DPP6: variants seen among roughly 807,000 people sequenced by gnomAD.
The protein encoded by DPP6 is A-type potassium channel modulatory protein DPP6.
A neutral mutation model predicts 122.6 loss-of-function variants in DPP6; 69 were observed. The observed-to-expected ratio is 0.56, with a 90% CI of 0.46 to 0.69. The LOEUF is 0.69. Among genes scored for constraint, DPP6 ranks in the 30% least tolerant of loss-of-function variants. The pLI, the probability that DPP6 is intolerant of heterozygous loss-of-function variation, is 0.00. For synonymous variants in DPP6, 418 were observed against 433.1 expected, an observed-to-expected ratio of 0.97 and a Z score of 0.43; for missense variants, 928 against 1,116.9, an observed-to-expected ratio of 0.83 and a Z score of 2.41.
intron 1 of DPP6, among the ~76,000 whole-genome samples, chr7:154,327,286 C>A (rs1486229706): frequency 1.3e-5 from 2 of 152,142 alleles, no homozygotes; most frequent in African/African-American, 4.8e-5. Context: ...GGTAGGAGGA[C>A]CGTATATCCC....
At chr7:154,792,786 G>A (rs939817782) in intron 10 of DPP6, among the ~76,000 whole-genome samples, 10 of 152,216 alleles carry the variant, frequency 6.6e-5, no homozygotes, top group African/African-American at 2.4e-4. Flanking sequence ...CGCCCCTCCT[G>A]TGTTCACGGG....
At chr7:154,637,989 C>T in intron 6 of DPP6, 116 bp downstream of exon 6, 2 of 1,169,338 alleles carry the variant, frequency 1.7e-6, no homozygotes, top group Non-Finnish European at 2.4e-6. Context: ...TTCTCACAGC[C>T]AAGGGTGCTG....
chr7:154,058,281 C>A (rs1172934683), intron 1 of DPP6: 2 of 149,778 alleles, frequency 1.3e-5, no homozygotes, highest in Admixed American at 1.3e-4. Context: ...AGAGCGAGCC[C>A]CTCTTCCCCC....
chr7:154,040,662 T>G (rs1181854961), intron 1 of DPP6, among the ~76,000 whole-genome samples: 3 of 152,112 alleles, frequency 2.0e-5, no homozygotes, highest in Non-Finnish European at 4.4e-5. Flanking sequence ...TAATTTATTT[T>G]GTTAACTAAT....
At chr7:154,163,566 C>T (rs1007759156) in intron 1 of DPP6, among the ~76,000 whole-genome samples, 3 of 152,232 alleles carry the variant, frequency 2.0e-5, no homozygotes, top group Admixed American at 6.5e-5. Flanking sequence ...TGTATACGCA[C>T]TGTAGTTCAA....
At chr7:154,379,080 T>C (rs1210471316) in intron 1 of DPP6, among the ~76,000 whole-genome samples, 2 of 152,184 alleles carry the variant, frequency 1.3e-5, no homozygotes, top group African/African-American at 4.8e-5. Flanking sequence ...TAACATCACA[T>C]TGGGTGTTAT....
At chr7:154,822,775 C>T (rs1422594094) in intron 16 of DPP6, among the ~76,000 whole-genome samples, 2 of 152,172 alleles carry the variant, frequency 1.3e-5, no homozygotes, top group Non-Finnish European at 2.9e-5. Context: ...GCTCCTCCAT[C>T]CTATTTCCTG....
the DPP6 span, among the ~76,000 whole-genome samples, chr7:153,837,915 C>T: frequency 6.9e-6 from 1 of 144,276 alleles, no homozygotes; most frequent in African/African-American, 2.6e-5. Flanking sequence ...CTCAGGTGAT[C>T]CACCTGCCTT....
chr7:153,931,137 C>T (rs1281796684), intron 1 of DPP6, among the ~76,000 whole-genome samples: 1 of 152,164 alleles, frequency 6.6e-6, no homozygotes, highest in Non-Finnish European at 1.5e-5. Context: ...AGATTATGGT[C>T]ACACTTGTGT....
intron 5 of DPP6, among the ~76,000 whole-genome samples, chr7:154,604,714 G>A (rs1833529622): frequency 8.3e-6 from 1 of 121,026 alleles, no homozygotes; most frequent in Non-Finnish European, 1.9e-5. Context: ...CCAGTGAAAG[G>A]AAATGCTAAA....
intron 1 of DPP6, among the ~76,000 whole-genome samples, chr7:154,295,681 C>T (rs1042727385): frequency 2.0e-5 from 3 of 152,114 alleles, no homozygotes; most frequent in Non-Finnish European, 1.5e-5. Flanking sequence ...CCCTCCCTAC[C>T]CTCAGTGCAC....
chr7:154,883,808 C>T lies in DPP6; in HGVS notation c.2134-1825C>T, dbSNP rs985024472. The T allele has an allele frequency of 2.2e-5, 3 of 134,480 alleles. 1 individual carries two copies. The highest frequency in any genetic ancestry group is 5.7e-5 in the African/African-American group (2 of 35,348). 8.3% of individuals were successfully genotyped at this position (134,480 alleles called of 1,614,324 possible). The stretch of plus-strand genomic sequence containing the variant: ...AATTACATACACCGACTCACGCACA[C>T]ATGCTCACACAATTACATACACCTG... On this transcript the variant is annotated intron_variant, in intron 21 of 25. Transcript: ENST00000377770.
chr7:153,798,361 A>G, the DPP6 span, among the ~76,000 whole-genome samples: 4 of 152,188 alleles, frequency 2.6e-5, no homozygotes, highest in Admixed American at 1.3e-4. Flanking sequence ...TTTTCCCTAG[A>G]AGAAAGAAAT....
At chr7:154,344,703 C>T (rs1036166710) in intron 1 of DPP6, among the ~76,000 whole-genome samples, 4 of 151,902 alleles carry the variant, frequency 2.6e-5, no homozygotes, top group East Asian at 1.9e-4. Context: ...TCACATTTTC[C>T]GGTGAGACCC....
chr7:154,659,792 T>C (rs373050780), intron 6 of DPP6, among the ~76,000 whole-genome samples: 1 of 152,226 alleles, frequency 6.6e-6, no homozygotes, highest in African/African-American at 2.4e-5. Flanking sequence ...GTTTAACTTA[T>C]AGAGACTGAG....
In DPP6 at chr7:154,668,197, T is replaced by TTATATATA. The variant is rs10668895; in HGVS notation, c.681-1148_681-1141dup. Among the ~76,000 whole-genome samples the TTATATATA allele has an allele frequency of 1.5e-3, 53 of 36,482 alleles. 10 individuals carry two copies. Among genetic ancestry groups the TTATATATA allele is most frequent in the Admixed American group, 7.2e-3 (14 of 1,952 alleles). The allele number at this position is 36,482 out of a possible 152,430, so 23.9% of individuals were successfully genotyped here. ...GTGCATTCCCAGCTATGTGTATATT[T>TTATATATA]TATATATATATATATATATATAATA... On this transcript the variant is annotated intron_variant, in intron 6 of 25. Coordinates refer to ENST00000377770, the MANE Select transcript of DPP6 (RefSeq NM_130797.4).
chr7:154,800,970 C>A (rs145510258), intron 12 of DPP6, among the ~76,000 whole-genome samples: 1 of 152,126 alleles, frequency 6.6e-6, no homozygotes, highest in East Asian at 1.9e-4. Context: ...TCACAATACA[C>A]TCTGGTTTCA....
At chr7:154,235,932 A>T (rs1801185968) in intron 1 of DPP6, among the ~76,000 whole-genome samples, 1 of 152,146 alleles carries the variant, frequency 6.6e-6, no homozygotes, top group Non-Finnish European at 1.5e-5. Flanking sequence ...GGCTCACTAC[A>T]GCCTCTGTCT....
chr7:154,709,412 G>A (rs1352745639), intron 7 of DPP6, among the ~76,000 whole-genome samples: 1 of 152,062 alleles, frequency 6.6e-6, no homozygotes, highest in East Asian at 1.9e-4. Context: ...TAGAGATGGA[G>A]TCTTACCGTG....
Sources: allele counts gnomAD v4.1 joint callset (sites outside exome capture counted in the v4.1 genomes callset), GRCh38; gene constraint gnomAD v4.1.1; transcripts MANE v1.5; gene names NCBI Gene and HGNC (gene_info 2026-07-23, HGNC 2026-07-21).